NEB: variants seen among roughly 807,000 people sequenced by gnomAD.
NEB encodes nebulin, also known as nemaline myopathy type 2.
Under a neutral mutation model 952.2 loss-of-function variants are expected in NEB, and 512 were observed. The ratio of observed to expected loss-of-function variants is 0.54; its 90% confidence interval spans 0.50 to 0.58. NEB has a LOEUF of 0.58. Ranked by LOEUF, NEB falls within the 20% of genes least tolerant of loss-of-function variation. The pLI, the probability that NEB is intolerant of heterozygous loss-of-function variation, is 0.00. For synonymous variants in NEB, 2,900 were observed against 3,149.8 expected (o/e 0.92, Z 2.66); for missense variants, 8,428 against 9,231.1 (o/e 0.91, Z 3.56).
In NEB at chr2:151,553,378, A is replaced by T; in HGVS notation, c.19731+20T>A. The T allele has an allele frequency of 4.5e-6, 7 of 1,566,582 alleles. No homozygotes were observed. The highest frequency in any genetic ancestry group is 6.2e-6 in the Non-Finnish European group (7 of 1,136,872). On this transcript the variant is annotated intron_variant, in intron 127 of 181. Transcript: ENST00000397345. The stretch of plus-strand genomic sequence containing the variant: ...TGGAGAAATGGAAATATACTAAAGA[A>T]CAAAACAAGGCAAACTCACATCATC...
In NEB at chr2:151,562,762, A is replaced by G; in HGVS notation, c.18740T>C (p.Ile6247Thr). ...CACGTGATTCATCATGTCATTGGGG[A>G]TATGAACATTTGCTTTGGTATCCTC... ...HYEDTKANVH[I>T]PNDMMNHVLA... Residue 6247 changes from isoleucine to threonine, a missense_variant, in exon 120 of 182, where the codon ATC becomes ACC. Physicochemically the swap from Ile to Thr is moderately conservative, Grantham distance 89. Transcript: ENST00000397345. 6.3e-7 allele frequency: 1 copy of G among 1,595,372 alleles called. No individual in the cohort carries two copies. The highest frequency in any genetic ancestry group is 1.1e-5 in the South Asian group (1 of 87,916).
intron 58 of NEB, 69 bp downstream of exon 58, chr2:151,643,081 A>T (rs1480255298): frequency 6.8e-7 from 1 of 1,470,330 alleles, no homozygotes; most frequent in Non-Finnish European, 9.4e-7. Context: ...TTTCTTTTAT[A>T]CAAACAGACT....
chr2:151,684,746 A>C (rs766963161), intron 28 of NEB, 32 bp downstream of exon 28: 3 of 1,505,504 alleles, frequency 2.0e-6, no homozygotes, highest in Non-Finnish European at 2.7e-6. Context: ...CATCTTTTTA[A>C]AAGAGGGGCT....
At position 151,577,470 on chromosome 2, in the gene NEB, C is replaced by G. The variant is rs1238177500; in HGVS notation, c.16705-1116G>C. On this transcript the variant is annotated intron_variant, in intron 105 of 181. Coordinates refer to ENST00000397345, the MANE Select transcript of NEB (RefSeq NM_001164508.2). ...CAGTGCCTTCTCAGAAGAACTTTCT[C>G]GATCTCTCTTCATAGCACCATGGAT... 2.0e-5 allele frequency among the ~76,000 whole-genome samples: 3 copies of G among 152,164 alleles called. No individual in the cohort carries two copies. The East Asian group carries it at 5.8e-4, about 29-fold the overall frequency.
chr2:151,496,366 C>T lies in NEB; in HGVS notation c.24396G>A (p.Val8132=), dbSNP rs754636584. 5.6e-6 allele frequency: 9 copies of T among 1,606,570 alleles called. No individual in the cohort carries two copies. Among genetic ancestry groups the T allele is most frequent in the Non-Finnish European group, 7.7e-6 (9 of 1,175,748 alleles). ...VKHNQENISS[V]LYKENMGKGT... is the part of the protein sequence containing the mutation. Reference sequence around the variant, plus strand: ...CCTTGCCCATGTTTTCTTTGTATAACACCTGTGCGATGAGAAAGCATCCAG... The same window carrying T: ...CCTTGCCCATGTTTTCTTTGTATAATACCTGTGCGATGAGAAAGCATCCAG... The change falls in exon 173 of 182, where the codon GTG becomes GTA. Residue 8132 remains valine (V), a splice_region_variant and synonymous_variant. Transcript: ENST00000397345.
rs1416758693 is a variant in NEB, at chr2:151,687,642, G to A, written c.2507C>T (p.Thr836Ile). 1.2e-6 allele frequency: 2 copies of A among 1,612,588 alleles called. No homozygotes were observed. Among genetic ancestry groups the A allele is most frequent in the Non-Finnish European group, 1.7e-6 (2 of 1,179,140 alleles). Residue 836 changes from threonine (T) to isoleucine (I), a missense_variant, in exon 26 of 182, where the codon ACC becomes ATC. Thr to Ile is a moderately conservative substitution (Grantham distance 89). Around this residue, in one of 11 missense-constraint regions of NEB, gnomAD observed 2,851 missense variants for 2,791.5 expected, o/e 1.02. Transcript: ENST00000397345. ...AIPLLAAKAN[T>I]KNTSDVMYKK... ...CACACTCACATCGCTGGTGTTCTTG[G>A]TGTTGGCTTTGGCTGCCAACAGGGG... is the stretch of plus-strand genomic sequence containing the variant.
intron 29 of NEB, among the ~76,000 whole-genome samples, chr2:151,681,357 C>T (rs1004935113): frequency 3.3e-5 from 5 of 152,244 alleles, no homozygotes; most frequent in Middle Eastern, 6.8e-3. Flanking sequence ...GTGGTTAGTA[C>T]GTAAGTTATC....
At chr2:151,624,553 G>A (rs1264193405) in intron 71 of NEB, among the ~76,000 whole-genome samples, 1 of 152,078 alleles carries the variant, frequency 6.6e-6, no homozygotes, top group African/African-American at 2.4e-5. Context: ...TTGTCCTTTG[G>A]TCTGTTTTAT....
intron 3 of NEB, 121 bp from the exon 4 acceptor site, chr2:151,729,777 A>G: frequency 9.8e-7 from 1 of 1,019,168 alleles, no homozygotes; most frequent in South Asian, 1.3e-5. Context: ...TCTGTGGGAA[A>G]GGGGTAGGTG....
intron 1 of NEB, 84 bp from the exon 2 acceptor site, chr2:151,733,879 C>A (rs2099814832): frequency 6.6e-6 from 1 of 152,126 alleles, no homozygotes; most frequent in Non-Finnish European, 1.5e-5. Context: ...ATGCAGAAAA[C>A]AGCGAAAGGA....
In NEB at chr2:151,733,101, GT is replaced by G. The variant is rs148527227; in HGVS notation, c.36+19del. 7.7e-4 allele frequency: 1,123 copies of G among 1,450,712 alleles called. No homozygotes were observed. The highest frequency in any genetic ancestry group is 2.7e-3 in the Admixed American group (142 of 52,162). The allele number at this position is 1,450,712 out of a possible 1,614,324, so 89.9% of individuals were successfully genotyped here. A position where few individuals can be genotyped will look rare whatever the true frequency, so the allele number is the denominator to read the frequency against. On this transcript the variant is annotated intron_variant, in intron 3 of 181. Transcript: ENST00000397345. ...CTACATAAAATAGTTTGCTGTCAGT[GT>G]TTTTTTTTTAAATCTTACCTCCACC...
chr2:151,639,465 A>G, intron 62 of NEB, 81 bp from the exon 63 acceptor site: 1 of 1,041,396 alleles, frequency 9.6e-7, no homozygotes, highest in Non-Finnish European at 1.3e-6. Context: ...CAAAAACTTT[A>G]TAAAAAAAAA....
chr2:151,492,050 AC>A (rs1559134450), intron 178 of NEB, 47 bp downstream of exon 178: 2 of 1,568,152 alleles, frequency 1.3e-6, no homozygotes, highest in Admixed American at 1.7e-5. Context: ...TTGTTCTTCT[AC>A]CCCCTCACTT....
chr2:151,547,291 C>T (rs1364908440), intron 133 of NEB, 138 bp downstream of exon 133: 5 of 662,740 alleles, frequency 7.5e-6, no homozygotes, highest in Non-Finnish European at 1.3e-5. Context: ...CCCACACTGT[C>T]TTACCTCCAA....
At chr2:151,559,644 C>T (rs1470317857) in intron 124 of NEB, among the ~76,000 whole-genome samples, 5 of 152,150 alleles carry the variant, frequency 3.3e-5, no homozygotes, top group African/African-American at 4.8e-5. Flanking sequence ...TTTGCAGGGA[C>T]ATGGATGAAG....
At position 151,486,958 on chromosome 2, in the gene NEB, AAAATT is replaced by A. The variant is rs1282277944; in HGVS notation, c.25405-1030_25405-1026del. Among the ~76,000 whole-genome samples, 8 of 152,226 alleles carry A rather than the reference AAAATT, an allele frequency of 5.3e-5. No individual in the cohort carries two copies. The East Asian group carries it at 1.2e-3, about 22-fold the overall frequency. ...TTTTTTATGGTGATGAAAGTATTCT[AAAATT>A]AGATTATGGAGATGGTTGGAAAAAA... On this transcript the variant is annotated intron_variant, in intron 181 of 181. Transcript: ENST00000397345.
intron 133 of NEB, among the ~76,000 whole-genome samples, chr2:151,546,654 G>A (rs1203140474): frequency 6.6e-6 from 1 of 151,056 alleles, no homozygotes; most frequent in Non-Finnish European, 1.5e-5. Flanking sequence ...CGCCTCCCGA[G>A]TTCAAGCGAT....
intron 28 of NEB, among the ~76,000 whole-genome samples, chr2:151,682,974 A>G (rs1360659468): frequency 6.6e-6 from 1 of 152,090 alleles, no homozygotes; most frequent in East Asian, 1.9e-4. Flanking sequence ...GTTATGTTCC[A>G]TTTCATCCTT....
intron 107 of NEB, among the ~76,000 whole-genome samples, chr2:151,572,194 C>T (rs1455223621): frequency 6.6e-6 from 1 of 152,008 alleles, no homozygotes; most frequent in Non-Finnish European, 1.5e-5. Flanking sequence ...TGGTGGCACA[C>T]ACCTGTAATC....
Sources: allele counts gnomAD v4.1 joint callset (sites outside exome capture counted in the v4.1 genomes callset), GRCh38; gene constraint gnomAD v4.1.1; regional missense constraint gnomAD v4.1.1; transcripts MANE v1.5; gene names NCBI Gene and HGNC (gene_info 2026-07-23, HGNC 2026-07-21).